SLC13A3: variants seen among roughly 807,000 people sequenced by gnomAD.
SLC13A3 encodes the protein Na(+)/dicarboxylate cotransporter 3.
Under a neutral mutation model 59.0 loss-of-function variants are expected in SLC13A3, and 40 were observed. The observed-to-expected ratio is 0.68, with a 90% CI of 0.53 to 0.88. SLC13A3 has a LOEUF of 0.88. SLC13A3 is among the 40% of genes least tolerant of loss of function. SLC13A3 has a pLI of 0.00. For synonymous variants in SLC13A3, 317 were observed against 330.3 expected (o/e 0.96, Z 0.44); for missense variants, 699 against 783.2 (o/e 0.89, Z 1.28).
At chr20:46,655,164 GT>G (rs2062975424), upstream of SLC13A3, among the ~76,000 whole-genome samples, 4 of 150,496 alleles carry the variant, frequency 2.7e-5, no homozygotes, top group South Asian at 8.4e-4. Flanking sequence ...GATTTCCTTG[GT>G]TTACCCTAGC....
chr20:46,644,484 T>G (rs959001833), intron 1 of SLC13A3, among the ~76,000 whole-genome samples: 1 of 152,084 alleles, frequency 6.6e-6, no homozygotes, highest in African/African-American at 2.4e-5. Flanking sequence ...GAAAAGCATG[T>G]GTAAAGGTTA....
chr20:46,665,969 G>T (rs2063060772), intron 1 of SLC13A3, among the ~76,000 whole-genome samples: 2 of 152,164 alleles, frequency 1.3e-5, no homozygotes, highest in Non-Finnish European at 2.9e-5. Context: ...GATAACTCAG[G>T]CTAAGACAAT....
At chr20:46,618,791 T>C (rs185714086) in intron 1 of SLC13A3, among the ~76,000 whole-genome samples, 91 of 152,312 alleles carry the variant, frequency 6.0e-4, no homozygotes, top group African/African-American at 2.0e-3. Context: ...AAGACAGTCC[T>C]CCGTCTCTCG....
At chr20:46,662,618 A>G (rs1253398993) in intron 1 of SLC13A3, among the ~76,000 whole-genome samples, 3 of 152,248 alleles carry the variant, frequency 2.0e-5, no homozygotes, top group Non-Finnish European at 4.4e-5. Flanking sequence ...CACTGCTCAA[A>G]CACTCTGGAT....
Position 46,558,233 on chromosome 20 carries a change from T to C in SLC13A3, c.*1789A>G, listed in dbSNP as rs1365870370. 1 of 152,074 alleles carries C rather than the reference T, an allele frequency of 6.6e-6. No individual in the cohort carries two copies. The highest frequency in any genetic ancestry group is 1.5e-5 in the Non-Finnish European group (1 of 68,030). The allele number at this position is 152,074 out of a possible 1,614,324, so 9.4% of individuals were successfully genotyped here. The stretch of plus-strand genomic sequence containing the variant: ...ATAAAGTGAGTCGGGGAACCAGACA[T>C]ATACTTGGGAGAGAGTGTTCTAGGC... On this transcript the variant is annotated 3_prime_UTR_variant, in exon 13 of 13. Transcript: ENST00000279027.
intron 1 of SLC13A3, among the ~76,000 whole-genome samples, chr20:46,621,185 A>T (rs2062610430): frequency 1.3e-5 from 2 of 152,248 alleles, no homozygotes; most frequent in African/African-American, 4.8e-5. Context: ...GAAAAATGCT[A>T]GGGAAAGCTT....
intron 1 of SLC13A3, among the ~76,000 whole-genome samples, chr20:46,677,300 C>T (rs1191339017): frequency 6.6e-6 from 1 of 152,192 alleles, no homozygotes; most frequent in Non-Finnish European, 1.5e-5. Flanking sequence ...CAAACCCAAT[C>T]CACCCACATA....
At position 46,575,804 on chromosome 20, in the gene SLC13A3, G is replaced by A. The variant is rs2062070601; in HGVS notation, c.1220-119C>T. 5.7e-6 allele frequency: 3 copies of A among 525,382 alleles called. No individual in the cohort carries two copies. The Middle Eastern group carries it at 1.0e-3, about 179-fold the overall frequency. 32.5% of individuals were successfully genotyped at this position (525,382 alleles called of 1,614,324 possible). A position where few individuals can be genotyped will look rare whatever the true frequency, so the allele number is the denominator to read the frequency against. ...GGGGTCCCCAGGAAGCCAAAGTGTG[G>A]ATCCAGCATTTGACTTGGAGCTTTA... is the stretch of plus-strand genomic sequence containing the variant. On this transcript the variant is annotated intron_variant, in intron 9 of 12. Coordinates refer to ENST00000279027, the MANE Select transcript of SLC13A3 (RefSeq NM_022829.6).
In SLC13A3 at chr20:46,660,700, C is replaced by T. The variant is rs59271514; in HGVS notation, c.-31+9343G>A. On this transcript the variant is annotated intron_variant, in intron 1 of 12. Transcript: ENST00000290317. ...CTTTCATCAATTTTGGTATATTTCC[C>T]GTCATTATCTCTTCAAATACCTCTT... Among the ~76,000 whole-genome samples, 564 of 152,202 alleles carry T rather than the reference C, an allele frequency of 3.7e-3. 6 individuals carry two copies. The highest frequency in any genetic ancestry group is 0.013 in the African/African-American group (532 of 41,536).
At chr20:46,584,964 G>A (rs1393520288) in intron 8 of SLC13A3, 2 of 176,414 alleles carry the variant, frequency 1.1e-5, no homozygotes, top group South Asian at 3.8e-4. Flanking sequence ...GTCAATCTAT[G>A]TATTGACATA....
At chr20:46,655,408 C>G (rs928560348), upstream of SLC13A3, among the ~76,000 whole-genome samples, 4 of 149,152 alleles carry the variant, frequency 2.7e-5, no homozygotes, top group East Asian at 5.9e-4. Flanking sequence ...CATGGTTATG[C>G]AGGCTTTACA....
intron 9 of SLC13A3, among the ~76,000 whole-genome samples, chr20:46,581,522 A>C (rs548448324): frequency 6.6e-6 from 1 of 152,326 alleles, no homozygotes; most frequent in East Asian, 1.9e-4. Flanking sequence ...ACTGGGCTGA[A>C]GTTGGGTGAG....
intron 3 of SLC13A3, among the ~76,000 whole-genome samples, chr20:46,602,840 TG>T (rs1267519767): frequency 2.6e-5 from 4 of 152,118 alleles, no homozygotes; most frequent in African/African-American, 9.7e-5. Context: ...AGTTCTTTAA[TG>T]ATAAAATGGA....
Position 46,561,660 on chromosome 20 carries a change from G to T in SLC13A3, c.1633-1462C>A, listed in dbSNP as rs201558493. 1.5e-3 allele frequency among the ~76,000 whole-genome samples: 214 copies of T among 140,408 alleles called. 4 individuals are homozygous for T. In the South Asian group the frequency reaches 0.03, roughly 19 times the overall value. The allele number at this position is 140,408 out of a possible 152,430, so 92.1% of individuals were successfully genotyped here. A position where few individuals can be genotyped will look rare whatever the true frequency, so the allele number is the denominator to read the frequency against. ...AATATTCTTATTCAAGTTTTTTTTT[G>T]TTTTTTTTTTTTAATGTCAAGCTGA... is the stretch of plus-strand genomic sequence containing the variant. On this transcript the variant is annotated intron_variant, in intron 12 of 12. Coordinates refer to ENST00000279027, the MANE Select transcript of SLC13A3 (RefSeq NM_022829.6).
At chr20:46,651,253 G>A in intron 1 of SLC13A3, 58 bp downstream of exon 1, 4 of 1,428,424 alleles carry the variant, frequency 2.8e-6, no homozygotes, top group Non-Finnish European at 2.8e-6. Flanking sequence ...TTGGAGGCTT[G>A]GGAGAAGAGG....
intron 1 of SLC13A3, among the ~76,000 whole-genome samples, chr20:46,664,268 A>G (rs1205753679): frequency 5.3e-5 from 8 of 152,178 alleles, no homozygotes; most frequent in Non-Finnish European, 8.8e-5. Flanking sequence ...AAACCTGGGA[A>G]ATGTGAACTG....
intron 3 of SLC13A3, chr20:46,600,582 G>A: frequency 2.2e-6 from 1 of 461,460 alleles, no homozygotes; most frequent in South Asian, 1.6e-5. Context: ...TCAAGCTTAG[G>A]CTTACCTGAG....
chr20:46,636,717 G>C (rs760397252), intron 1 of SLC13A3, among the ~76,000 whole-genome samples: 3 of 152,184 alleles, frequency 2.0e-5, no homozygotes, highest in Non-Finnish European at 4.4e-5. Context: ...GCCAATCTTG[G>C]CTCTGTCCTG....
At chr20:46,674,601 G>A (rs1459695596), upstream of SLC13A3, among the ~76,000 whole-genome samples, 5 of 100,828 alleles carry the variant, frequency 5.0e-5, no homozygotes, top group Admixed American at 1.1e-4. Flanking sequence ...GCGCGCGCGC[G>A]CGCGTGTGTG....
Sources: allele counts gnomAD v4.1 joint callset (sites outside exome capture counted in the v4.1 genomes callset), GRCh38; gene constraint gnomAD v4.1.1; transcripts MANE v1.5; gene names NCBI Gene and HGNC (gene_info 2026-07-23, HGNC 2026-07-21).